The following KIF18A variants were observed in gnomAD, a reference collection of about 807,000 sequenced individuals.
KIF18A encodes the protein kinesin-like protein KIF18A.
Under a neutral mutation model 103.3 loss-of-function variants are expected in KIF18A, and 67 were observed. The observed-to-expected ratio is 0.65, with a 90% CI of 0.53 to 0.79. KIF18A has a LOEUF of 0.79. Among genes scored for constraint, KIF18A ranks in the 30% least tolerant of loss-of-function variants. KIF18A has a pLI of 0.00. For missense variants in KIF18A, 1,032 were observed against 1,062.5 expected (o/e 0.97, Z 0.40); for synonymous variants, 367 against 355.5 (o/e 1.03, Z -0.36).
intron 15 of KIF18A, among the ~76,000 whole-genome samples, chr11:28,031,206 C>A (rs1449214102): frequency 6.6e-6 from 1 of 152,160 alleles, no homozygotes; most frequent in Non-Finnish European, 1.5e-5. Context: ...GATTATAAAT[C>A]ATGCTGCTAT....
chr11:28,072,203 C>T (rs1851025571), intron 10 of KIF18A, among the ~76,000 whole-genome samples: 1 of 152,056 alleles, frequency 6.6e-6, no homozygotes, highest in South Asian at 2.1e-4. Flanking sequence ...TAACAAAATC[C>T]CCTGCACACC....
intron 13 of KIF18A, among the ~76,000 whole-genome samples, chr11:28,041,020 G>GA (rs1850552008): frequency 6.6e-6 from 1 of 151,614 alleles, no homozygotes; most frequent in Non-Finnish European, 1.5e-5. Flanking sequence ...TTTTATTTAT[G>GA]AAAAAAAGTT....
At position 28,070,821 on chromosome 11, in the gene KIF18A, G is replaced by T. The variant is rs184193970; in HGVS notation, c.1426-1398C>A. On this transcript the variant is annotated intron_variant, in intron 10 of 16. Coordinates refer to ENST00000263181, the MANE Select transcript of KIF18A (RefSeq NM_031217.4). ...TTTGGGAGGCTGAGGCAGGAGGACT[G>T]CTTGAGGCCAGAAGTGCAAGACCAT... 2.3e-4 allele frequency among the ~76,000 whole-genome samples: 35 copies of T among 152,234 alleles called. 1 individual carries two copies. Among genetic ancestry groups the T allele is most frequent in the Admixed American group, 2.0e-3 (30 of 15,298 alleles).
chr11:28,052,855 G>C (rs143188634), intron 13 of KIF18A, among the ~76,000 whole-genome samples: 2 of 151,822 alleles, frequency 1.3e-5, no homozygotes, highest in South Asian at 4.2e-4. Context: ...AAAAAGTAAC[G>C]ATTGTTACTA....
At chr11:28,062,006 G>T (rs1303304327) in intron 12 of KIF18A, among the ~76,000 whole-genome samples, 1 of 151,984 alleles carries the variant, frequency 6.6e-6, no homozygotes, top group African/African-American at 2.4e-5. Flanking sequence ...AAAAATTCTG[G>T]AATTATGAAT....
intron 9 of KIF18A, among the ~76,000 whole-genome samples, chr11:28,079,506 C>T (rs1455359474): frequency 6.6e-6 from 1 of 151,986 alleles, no homozygotes; most frequent in African/African-American, 2.4e-5. Flanking sequence ...GGTCTGAAAG[C>T]CACTTTTGAC....
chr11:28,083,175 C>T lies in KIF18A; in HGVS notation c.1143G>A (p.Lys381=). Residue 381 remains lysine (K), a synonymous_variant, in exon 8 of 17, where the codon AAG becomes AAA. Transcript: ENST00000263181. ...AAAATATAAACAGACATACCTCTGC[C>T]TTCTGCTCATTACAGATCTTTACAT... The part of the protein sequence containing the change: ...TQYVKICNEQ[K]AEILLLKEKL... The T allele has an allele frequency of 6.3e-7, 1 of 1,577,418 alleles. No homozygotes were observed. Among genetic ancestry groups the T allele is most frequent in the Non-Finnish European group, 8.5e-7 (1 of 1,169,860 alleles).
intron 11 of KIF18A, among the ~76,000 whole-genome samples, chr11:28,064,220 A>C (rs1218666587): frequency 2.6e-5 from 4 of 151,836 alleles, no homozygotes; most frequent in Non-Finnish European, 5.9e-5. Flanking sequence ...TTAGAAAAAA[A>C]TTTATCTTTA....
intron 13 of KIF18A, among the ~76,000 whole-genome samples, chr11:28,043,453 T>A (rs1268010253): frequency 6.6e-6 from 1 of 151,954 alleles, no homozygotes; most frequent in Non-Finnish European, 1.5e-5. Flanking sequence ...AGAACTGGCA[T>A]ACAAACTCAG....
intron 11 of KIF18A, among the ~76,000 whole-genome samples, chr11:28,064,683 G>C (rs1307445520): frequency 6.6e-6 from 1 of 151,960 alleles, no homozygotes; most frequent in East Asian, 1.9e-4. Flanking sequence ...AAAGAGACAA[G>C]ACTTGATTGT....
At chr11:28,047,896 A>C (rs1254324131) in intron 13 of KIF18A, among the ~76,000 whole-genome samples, 1 of 152,272 alleles carries the variant, frequency 6.6e-6, no homozygotes, top group South Asian at 2.1e-4. Flanking sequence ...ATAAAAATCA[A>C]AACCAACCAT....
At chr11:28,043,186 T>TA (rs1181731466) in intron 13 of KIF18A, among the ~76,000 whole-genome samples, 1 of 151,816 alleles carries the variant, frequency 6.6e-6, no homozygotes, top group East Asian at 1.9e-4. Flanking sequence ...AAAAAAATAT[T>TA]AAAAAGTACC....
rs192074255 is a variant in KIF18A, at chr11:28,094,086, A to G, written c.483+557T>C. ...ACTGTCAGTGCATAATCTGAATCTA[A>G]TCATGATAAATCCAAACTAAGGATT... On this transcript the variant is annotated intron_variant, in intron 3 of 16. Coordinates refer to ENST00000263181, the MANE Select transcript of KIF18A (RefSeq NM_031217.4). 8.5e-5 allele frequency among the ~76,000 whole-genome samples: 13 copies of G among 152,294 alleles called. No homozygotes were observed. In the East Asian group the frequency reaches 1.2e-3, roughly 14 times the overall value.
At chr11:28,064,590 TTAAAGTA>T (rs943233246) in intron 11 of KIF18A, among the ~76,000 whole-genome samples, 2 of 152,008 alleles carry the variant, frequency 1.3e-5, no homozygotes, top group Non-Finnish European at 2.9e-5. Context: ...ACCCTAAAAC[TTAAAGTA>T]TAAAGAAAAA....
At chr11:28,069,985 G>A (rs1203509793) in intron 10 of KIF18A, among the ~76,000 whole-genome samples, 3 of 152,016 alleles carry the variant, frequency 2.0e-5, no homozygotes, top group Non-Finnish European at 4.4e-5. Flanking sequence ...AAATATTTTT[G>A]GTGTTTTACC....
intron 15 of KIF18A, among the ~76,000 whole-genome samples, chr11:28,028,696 G>C (rs375809851): frequency 6.6e-6 from 1 of 151,936 alleles, no homozygotes; most frequent in African/African-American, 2.4e-5. Flanking sequence ...AACTGAAGGA[G>C]ATAGAGACGC....
chr11:28,023,363 G>C (rs748257641), intron 16 of KIF18A, among the ~76,000 whole-genome samples: 1 of 151,988 alleles, frequency 6.6e-6, no homozygotes, highest in Non-Finnish European at 1.5e-5. Context: ...AAAATATTAC[G>C]CTAAGAGAAA....
Position 28,049,181 on chromosome 11 carries a change from CTT to C in KIF18A, c.1948+9743_1948+9744del, listed in dbSNP as rs755567272. 7.2e-5 allele frequency among the ~76,000 whole-genome samples: 11 copies of C among 152,078 alleles called. No individual in the cohort carries two copies. The South Asian group carries it at 8.3e-4, about 11-fold the overall frequency. ...TAAATTAAGAAACATCTTTTTCTCT[CTT>C]TGTTTTAAATAAATCTCTAAAACAT... On this transcript the variant is annotated intron_variant, in intron 13 of 16. Coordinates refer to ENST00000263181, the MANE Select transcript of KIF18A (RefSeq NM_031217.4).
chr11:28,058,106 C>T (rs1261497694), intron 13 of KIF18A, among the ~76,000 whole-genome samples: 4 of 152,058 alleles, frequency 2.6e-5, no homozygotes, highest in East Asian at 3.9e-4. Context: ...TTCTTTTCTT[C>T]TACATTGTCT....
Sources: gnomAD v4.1 joint callset for allele counts (sites outside exome capture counted in the v4.1 genomes callset) on GRCh38, gnomAD v4.1.1 for gene constraint, MANE v1.5 for transcripts, NCBI Gene and HGNC (gene_info 2026-07-23, HGNC 2026-07-21) for gene names.